CTNNA3: variants seen among roughly 807,000 people sequenced by gnomAD.
The protein encoded by CTNNA3 is catenin alpha-3.
In CTNNA3, 76 loss-of-function variants were observed where a neutral mutation model predicts 95.7. The observed-to-expected ratio is 0.79, with a 90% CI of 0.66 to 0.96. The LOEUF (loss-of-function observed/expected upper bound fraction) is 0.96. Among genes scored for constraint, CTNNA3 ranks in the 40% least tolerant of loss-of-function variants. The probability of loss-of-function intolerance (pLI) is 0.00; values close to 1 mark genes in which losing one functional copy is unlikely to be tolerated. For missense variants in CTNNA3, 1,191 were observed against 1,089.8 expected, an observed-to-expected ratio of 1.09 and a Z score of -1.31; for synonymous variants, 431 against 374.4, an observed-to-expected ratio of 1.15 and a Z score of -1.74.
In CTNNA3 at chr10:66,763,858, A is replaced by G. The variant is rs112890795; in HGVS notation, c.1281+2406T>C. On this transcript the variant is annotated intron_variant, in intron 9 of 17. Transcript: ENST00000433211. ...ACTGACAGTTAACGCACTTCCAGTC[A>G]TGTGAATATGCCATTTAGCATGTCC... Among the ~76,000 whole-genome samples, 457 of 152,298 alleles carry G rather than the reference A, an allele frequency of 3.0e-3. 2 individuals carry two copies. The highest frequency in any genetic ancestry group is 5.3e-3 in the Non-Finnish European group (362 of 68,014).
chr10:66,525,496 C>T (rs976993620), intron 10 of CTNNA3, among the ~76,000 whole-genome samples: 5 of 152,080 alleles, frequency 3.3e-5, no homozygotes, highest in Admixed American at 2.0e-4. Flanking sequence ...TTAATTGCCA[C>T]ACTGTACTCT....
chr10:66,133,798 G>T (rs1031418118), intron 13 of CTNNA3, among the ~76,000 whole-genome samples: 1 of 152,122 alleles, frequency 6.6e-6, no homozygotes, highest in Non-Finnish European at 1.5e-5. Flanking sequence ...TTAAATGAAT[G>T]AGGTTAGGAA....
intron 6 of CTNNA3, among the ~76,000 whole-genome samples, chr10:67,215,520 A>C (rs1864318907): frequency 6.6e-6 from 1 of 152,138 alleles, no homozygotes; most frequent in South Asian, 2.1e-4. Flanking sequence ...TGCCAGGATA[A>C]GGCAATTTTA....
intron 11 of CTNNA3, among the ~76,000 whole-genome samples, chr10:66,396,501 G>C (rs2092979037): frequency 6.6e-6 from 1 of 151,988 alleles, no homozygotes; most frequent in Non-Finnish European, 1.5e-5. Flanking sequence ...GCATCCACAT[G>C]AAAGTGACAC....
intron 3 of CTNNA3, among the ~76,000 whole-genome samples, chr10:67,599,196 A>T (rs766729376): frequency 6.6e-6 from 1 of 152,240 alleles, no homozygotes; most frequent in Admixed American, 6.5e-5. Flanking sequence ...CTGGTTATTC[A>T]TCAGTAATTT....
At chr10:66,198,158 G>A (rs2087084438) in intron 13 of CTNNA3, among the ~76,000 whole-genome samples, 2 of 152,072 alleles carry the variant, frequency 1.3e-5, no homozygotes, top group Admixed American at 6.5e-5. Context: ...ATTTCTCTCT[G>A]TGTGGGGATT....
At chr10:66,122,999 C>A (rs1352659463) in intron 13 of CTNNA3, among the ~76,000 whole-genome samples, 1 of 152,010 alleles carries the variant, frequency 6.6e-6, no homozygotes, top group Non-Finnish European at 1.5e-5. Context: ...CATATAATTC[C>A]ACCCCAGCCC....
chr10:67,173,950 G>C (rs1862126934), intron 7 of CTNNA3, among the ~76,000 whole-genome samples: 1 of 152,132 alleles, frequency 6.6e-6, no homozygotes, highest in Non-Finnish European at 1.5e-5. Context: ...AAATGACAAA[G>C]GGCTCTCAGG....
intron 7 of CTNNA3, among the ~76,000 whole-genome samples, chr10:66,849,978 C>A (rs1843424141): frequency 1.2e-5 from 1 of 85,296 alleles, no homozygotes; most frequent in Admixed American, 1.5e-4. Flanking sequence ...GATATGAGAG[C>A]ATGTTTTTTT....
At chr10:66,691,886 C>A (rs1470581375) in intron 9 of CTNNA3, among the ~76,000 whole-genome samples, 3 of 152,144 alleles carry the variant, frequency 2.0e-5, no homozygotes, top group Non-Finnish European at 4.4e-5. Context: ...CTCCAACAGA[C>A]CTGCAGCTGA....
chr10:66,791,333 T>C (rs1840957274), intron 7 of CTNNA3, among the ~76,000 whole-genome samples: 1 of 152,202 alleles, frequency 6.6e-6, no homozygotes. Flanking sequence ...CTCTTTACTC[T>C]TTGTGTTCCA....
intron 3 of CTNNA3, among the ~76,000 whole-genome samples, chr10:67,595,090 A>G (rs561295309): frequency 3.9e-5 from 6 of 152,282 alleles, no homozygotes; most frequent in African/African-American, 1.4e-4. Flanking sequence ...GTAGAATTTT[A>G]TCATGCATAT....
At chr10:66,215,045 T>G (rs1313843827) in intron 13 of CTNNA3, among the ~76,000 whole-genome samples, 1 of 148,356 alleles carries the variant, frequency 6.7e-6, no homozygotes, top group Non-Finnish European at 1.5e-5. Context: ...TTGTGAAATA[T>G]AAACTAATAC....
chr10:66,829,110 C>T (rs1842618401), intron 7 of CTNNA3, among the ~76,000 whole-genome samples: 1 of 152,200 alleles, frequency 6.6e-6, no homozygotes, highest in Non-Finnish European at 1.5e-5. Context: ...CCTTGGGCCA[C>T]TCCATGTCAA....
intron 15 of CTNNA3, among the ~76,000 whole-genome samples, chr10:66,014,654 C>T (rs913695138): frequency 2.0e-5 from 3 of 152,046 alleles, no homozygotes; most frequent in Non-Finnish European, 4.4e-5. Context: ...CTGTGATAAC[C>T]GCTAGGCCAA....
At chr10:67,304,359 C>T (rs1272016626) in intron 5 of CTNNA3, among the ~76,000 whole-genome samples, 1 of 152,192 alleles carries the variant, frequency 6.6e-6, no homozygotes, top group Non-Finnish European at 1.5e-5. Flanking sequence ...TTATAGACTG[C>T]TTTACCACAC....
intron 7 of CTNNA3, among the ~76,000 whole-genome samples, chr10:67,077,012 GC>G (rs1391408185): frequency 6.6e-6 from 1 of 152,008 alleles, no homozygotes; most frequent in African/African-American, 2.4e-5. Context: ...TTCAGGCAAC[GC>G]CCCCAACATG....
chr10:66,830,650 C>T (rs909978497), intron 7 of CTNNA3, among the ~76,000 whole-genome samples: 4 of 151,862 alleles, frequency 2.6e-5, no homozygotes, highest in African/African-American at 9.7e-5. Context: ...AGCTCTGTTG[C>T]CCAGGCTGGA....
intron 13 of CTNNA3, among the ~76,000 whole-genome samples, chr10:66,121,183 G>T (rs79184021): frequency 1.3e-5 from 2 of 152,144 alleles, no homozygotes; most frequent in East Asian, 3.9e-4. Flanking sequence ...CAACACAGAA[G>T]CTCAAGCATA....
Sources: gnomAD v4.1 joint callset for allele counts (sites outside exome capture counted in the v4.1 genomes callset) on GRCh38, gnomAD v4.1.1 for gene constraint, MANE v1.5 for transcripts, NCBI Gene and HGNC (gene_info 2026-07-23, HGNC 2026-07-21) for gene names.